CPT1A: variants seen among roughly 807,000 people sequenced by gnomAD.
CPT1A encodes carnitine O-palmitoyltransferase 1, liver isoform.
CPT1A carries 64 observed loss-of-function variants against 100.8 expected under a neutral mutation model. The ratio of observed to expected loss-of-function variants is 0.63; its 90% CI spans 0.52 to 0.78. The LOEUF (loss-of-function observed/expected upper bound fraction) is 0.78, where lower values mean the gene tolerates loss of function less well. CPT1A is among the 30% of genes least tolerant of loss of function. The pLI, the probability that CPT1A is intolerant of heterozygous loss-of-function variation, is 0.00. For synonymous variants in CPT1A, 363 were observed against 396.0 expected (o/e 0.92, Z 0.99); for missense variants, 802 against 1,034.1 (o/e 0.78, Z 3.08).
intron 13 of CPT1A, 133 bp downstream of exon 13, chr11:68,775,183 C>T (rs1334938928): frequency 4.0e-6 from 3 of 756,848 alleles, no homozygotes; most frequent in East Asian, 5.0e-5. Context: ...CCTGAGCAAA[C>T]AACTTTCAGC....
intron 7 of CPT1A, among the ~76,000 whole-genome samples, chr11:68,796,093 A>G (rs1351888512): frequency 6.6e-6 from 1 of 152,164 alleles, no homozygotes; most frequent in African/African-American, 2.4e-5. Flanking sequence ...AAAGCCCAGG[A>G]AACCAGAAAC....
At position 68,757,497 on chromosome 11, in the gene CPT1A, A is replaced by T. The variant is rs981690818; in HGVS notation, c.*147T>A. The stretch of plus-strand genomic sequence containing the variant: ...CACAGGGGAGAGATACTGTTCTAGG[A>T]AAAAAAAACACCCACATTTTCTGGA... On this transcript the variant is annotated 3_prime_UTR_variant, in exon 19 of 19. Coordinates refer to ENST00000265641, the MANE Select transcript of CPT1A (RefSeq NM_001876.4). The T allele has an allele frequency of 2.7e-5, 41 of 1,505,466 alleles. No homozygotes were observed. Among genetic ancestry groups the T allele is most frequent in the Admixed American group, 4.2e-5 (2 of 47,060 alleles). 93.3% of individuals were successfully genotyped at this position (1,505,466 alleles called of 1,614,324 possible). A position where few individuals can be genotyped will look rare whatever the true frequency, so the allele number is the denominator to read the frequency against.
intron 1 of CPT1A, among the ~76,000 whole-genome samples, chr11:68,816,018 C>G (rs953857440): frequency 4.6e-5 from 7 of 152,094 alleles, no homozygotes; most frequent in African/African-American, 1.7e-4. Context: ...CTGGACGTCC[C>G]CCGGAACCAC....
At chr11:68,814,040 C>T (rs544943520) in intron 2 of CPT1A, among the ~76,000 whole-genome samples, 10 of 152,016 alleles carry the variant, frequency 6.6e-5, no homozygotes, top group South Asian at 2.1e-4. Flanking sequence ...GAAGGAGCAC[C>T]GGGAAGTGCA....
At chr11:68,805,062 G>A (rs1314556077) in intron 4 of CPT1A, among the ~76,000 whole-genome samples, 2 of 152,180 alleles carry the variant, frequency 1.3e-5, no homozygotes, top group African/African-American at 4.8e-5. Flanking sequence ...TGCCAAGTGT[G>A]GGAGCCACCC....
chr11:68,841,675 C>G lies in CPT1A; in HGVS notation c.-14+100G>C, dbSNP rs1857162811. ...CCCGGTTCCGGCGGCGTCCCCCACC[C>G]GGTCCGGTTCCCGGCAGCCCCGCGC... is the stretch of plus-strand genomic sequence containing the variant. On this transcript the variant is annotated intron_variant, in intron 1 of 18. Transcript: ENST00000265641. This position sits in a 1 kb window ranked among gnomAD's most constrained non-coding sequence, Gnocchi z 6.3. 1 of 623,286 alleles carries G rather than the reference C, an allele frequency of 1.6e-6. No individual in the cohort carries two copies. Among genetic ancestry groups the G allele is most frequent in the South Asian group, 6.7e-5 (1 of 15,006 alleles). The allele number at this position is 623,286 out of a possible 1,614,324, so 38.6% of individuals were successfully genotyped here. A position where few individuals can be genotyped will look rare whatever the true frequency, so the allele number is the denominator to read the frequency against.
rs918625539 is a variant in CPT1A, at chr11:68,756,023, A to C, written c.*1621T>G. On this transcript the variant is annotated 3_prime_UTR_variant, in exon 19 of 19. Transcript: ENST00000265641. The stretch of plus-strand genomic sequence containing the variant: ...GCTACTTGGGAGGCTGAGACAGGAG[A>C]ATCGCTTGAACCTGCAAGGCAGATG... 4 of 150,408 alleles carry C rather than the reference A, an allele frequency of 2.7e-5. No homozygotes were observed. The highest frequency in any genetic ancestry group is 4.9e-5 in the African/African-American group (2 of 40,714). 9.3% of individuals were successfully genotyped at this position (150,408 alleles called of 1,614,324 possible).
intron 5 of CPT1A, among the ~76,000 whole-genome samples, chr11:68,800,221 C>A (rs548549253): frequency 6.6e-6 from 1 of 152,284 alleles, no homozygotes; most frequent in South Asian, 2.1e-4. Context: ...TTCCAGCCCC[C>A]ACCCCGCCTC....
At chr11:68,842,864 A>G (rs1857187936), upstream of CPT1A, among the ~76,000 whole-genome samples, 1 of 152,084 alleles carries the variant, frequency 6.6e-6, no homozygotes. Context: ...CCTGACCGGG[A>G]GCCACCCCTC....
Position 68,833,321 on chromosome 11 carries a change from G to C in CPT1A, c.-14+8454C>G, listed in dbSNP as rs190544839. ...GCAATAATGGGAAGGAAGAAAAGCA[G>C]CAGCTCCTCTTCTCCAGGCAAGTGT... On this transcript the variant is annotated intron_variant, in intron 1 of 18. Coordinates refer to ENST00000265641, the MANE Select transcript of CPT1A (RefSeq NM_001876.4). Among the ~76,000 whole-genome samples the C allele has an allele frequency of 3.6e-4, 55 of 152,386 alleles. 1 individual carries two copies. Among genetic ancestry groups the C allele is most frequent in the Admixed American group, 3.2e-3 (49 of 15,296 alleles).
At chr11:68,759,932 A>AGGAGGT (rs1339092007) in intron 17 of CPT1A, among the ~76,000 whole-genome samples, 1 of 152,044 alleles carries the variant, frequency 6.6e-6, no homozygotes, top group Non-Finnish European at 1.5e-5. Flanking sequence ...CCAGCTACTC[A>AGGAGGT]GGAGGTGGAG....
Position 68,757,306 on chromosome 11 carries a change from C to T in CPT1A, c.*338G>A. 1 of 1,191,292 alleles carries T rather than the reference C, an allele frequency of 8.4e-7. No homozygotes were observed. The highest frequency in any genetic ancestry group is 1.1e-6 in the Non-Finnish European group (1 of 952,082). 73.8% of individuals were successfully genotyped at this position (1,191,292 alleles called of 1,614,324 possible). On this transcript the variant is annotated 3_prime_UTR_variant, in exon 19 of 19. Coordinates refer to ENST00000265641, the MANE Select transcript of CPT1A (RefSeq NM_001876.4). ...CTTCGGTTGCCACTGAGAAAGCACA[C>T]CATTTCCATTCCACTGTGTGTGAAG...
chr11:68,798,009 A>G (rs3019602), intron 6 of CPT1A, among the ~76,000 whole-genome samples: 218 of 152,284 alleles, frequency 1.4e-3, no homozygotes, highest in African/African-American at 4.9e-3. Flanking sequence ...AAACAAAGAA[A>G]AAACCAATGT....
At chr11:68,783,754 G>A (rs1375859609) in intron 10 of CPT1A, among the ~76,000 whole-genome samples, 2 of 152,236 alleles carry the variant, frequency 1.3e-5, no homozygotes, top group Non-Finnish European at 2.9e-5. Flanking sequence ...ACGCTACACA[G>A]GGCAGTGCCC....
At chr11:68,775,249 A>T (rs1032997573) in intron 13 of CPT1A, 67 bp downstream of exon 13, 2 of 1,316,844 alleles carry the variant, frequency 1.5e-6, no homozygotes, top group Admixed American at 3.4e-5. Flanking sequence ...TGGAAAATTC[A>T]TCTGTAAGAC....
rs1327021291 is a variant in CPT1A at position 68,759,726 on chromosome 11, A to C, written c.2143-65T>G. The C allele has an allele frequency of 4.3e-6, 5 of 1,171,348 alleles. No individual in the cohort carries two copies. The African/African-American group carries it at 6.1e-5, about 14-fold the overall frequency. The allele number at this position is 1,171,348 out of a possible 1,614,324, so 72.6% of individuals were successfully genotyped here. On this transcript the variant is annotated intron_variant, in intron 17 of 18. Transcript: ENST00000265641. Reference sequence around the variant, plus strand: ...AGACAACGTGAAAAAGGGACTTTCTAATGTTCTAAATGCAACACTGGCGGG... The same window carrying C: ...AGACAACGTGAAAAAGGGACTTTCTCATGTTCTAAATGCAACACTGGCGGG...
At chr11:68,785,971 T>TG (rs1234290395) in intron 9 of CPT1A, 4 of 701,152 alleles carry the variant, frequency 5.7e-6, no homozygotes, top group Non-Finnish European at 1.0e-5. Context: ...CCACGAATAT[T>TG]TATCAAGTCC....
intron 1 of CPT1A, among the ~76,000 whole-genome samples, chr11:68,838,162 G>A (rs1348064481): frequency 2.0e-5 from 3 of 152,078 alleles, no homozygotes; most frequent in Non-Finnish European, 4.4e-5. Context: ...CCAAGGTGAC[G>A]GTGACCCTCC....
chr11:68,835,621 C>A (rs572906993), intron 1 of CPT1A, among the ~76,000 whole-genome samples: 4 of 151,386 alleles, frequency 2.6e-5, no homozygotes, highest in African/African-American at 9.7e-5. Context: ...CATGGAATGA[C>A]AGGTTCAGAC....
Sources: gnomAD v4.1 joint callset for allele counts (sites outside exome capture counted in the v4.1 genomes callset) on GRCh38, gnomAD v4.1.1 for gene constraint, Gnocchi (gnomAD v3.1) non-coding constraint, MANE v1.5 for transcripts, NCBI Gene and HGNC (gene_info 2026-07-23, HGNC 2026-07-21) for gene names.